NPFFR2: variants seen among roughly 807,000 people sequenced by gnomAD.
NPFFR2 encodes the protein G-protein coupled receptor 74.
A neutral mutation model predicts 13.1 loss-of-function variants in NPFFR2; 15 were observed. That is an observed-to-expected ratio of 1.15 (90% CI 0.77 to 1.76). NPFFR2 has a LOEUF of 1.76. Ranked by LOEUF, NPFFR2 falls within the 40% of genes most tolerant of loss-of-function variation. The pLI is 0.00. For synonymous variants in NPFFR2, 190 were observed against 175.7 expected (o/e 1.08, Z -0.65); for missense variants, 572 against 503.5 (o/e 1.14, Z -1.30).
At chr4:72,111,837 C>T (rs1024137608) in intron 1 of NPFFR2, among the ~76,000 whole-genome samples, 8 of 152,034 alleles carry the variant, frequency 5.3e-5, no homozygotes, top group African/African-American at 1.9e-4. Context: ...ATTCTTCACT[C>T]CTAAACTTAT....
chr4:72,098,898 A>C (rs970321687), intron 1 of NPFFR2, among the ~76,000 whole-genome samples: 8 of 151,988 alleles, frequency 5.3e-5, no homozygotes, highest in Admixed American at 2.6e-4. Context: ...TTGCTCTATT[A>C]CTCTGTATTG....
intron 1 of NPFFR2, among the ~76,000 whole-genome samples, chr4:72,121,086 G>A (rs935020090): frequency 2.0e-5 from 3 of 151,952 alleles, no homozygotes; most frequent in Non-Finnish European, 2.9e-5. Context: ...AACACAGCAC[G>A]AGAACTTCAT....
intron 1 of NPFFR2, among the ~76,000 whole-genome samples, chr4:72,077,841 C>T (rs372967637): frequency 1.1e-4 from 16 of 152,098 alleles, no homozygotes; most frequent in Admixed American, 3.3e-4. Context: ...CATGAAGCGA[C>T]GTGTTTTTGT....
intron 2 of NPFFR2, among the ~76,000 whole-genome samples, chr4:72,133,213 G>A (rs1722305504): frequency 6.6e-6 from 1 of 152,116 alleles, no homozygotes; most frequent in Non-Finnish European, 1.5e-5. Flanking sequence ...TCAATCTTCT[G>A]CACATGGCTA....
intron 1 of NPFFR2, among the ~76,000 whole-genome samples, chr4:72,095,404 G>A (rs1721036486): frequency 6.6e-6 from 1 of 152,016 alleles, no homozygotes; most frequent in South Asian, 2.1e-4. Flanking sequence ...TTGTGTTGCT[G>A]TTTTTTGTTG....
intron 1 of NPFFR2, among the ~76,000 whole-genome samples, chr4:72,097,207 C>T (rs1578452790): frequency 1.3e-5 from 2 of 152,058 alleles, no homozygotes; most frequent in East Asian, 3.9e-4. Context: ...ACTAATAATT[C>T]AGTGTCAACA....
At chr4:72,137,264 A>T (rs919764800) in intron 2 of NPFFR2, among the ~76,000 whole-genome samples, 3 of 152,180 alleles carry the variant, frequency 2.0e-5, no homozygotes, top group African/African-American at 7.2e-5. Flanking sequence ...AAATTTCAAA[A>T]CTCTGAGAAA....
chr4:72,068,960 C>A (rs748673148), intron 1 of NPFFR2: 1 of 1,423,202 alleles, frequency 7.0e-7, no homozygotes, highest in South Asian at 1.4e-5. Context: ...TTTTGACATA[C>A]AAGAAACATC....
intron 1 of NPFFR2, among the ~76,000 whole-genome samples, chr4:72,040,535 A>G (rs781553104): frequency 1.3e-5 from 2 of 152,142 alleles, no homozygotes; most frequent in Non-Finnish European, 2.9e-5. Flanking sequence ...TATTTGCCAT[A>G]GATTATTTTT....
At chr4:72,112,664 T>C (rs1721598878) in intron 1 of NPFFR2, among the ~76,000 whole-genome samples, 1 of 151,948 alleles carries the variant, frequency 6.6e-6, no homozygotes, top group Admixed American at 6.6e-5. Flanking sequence ...GCCTGAAGCA[T>C]GAAAAGACAT....
At chr4:72,049,639 C>T (rs1719483092) in intron 1 of NPFFR2, among the ~76,000 whole-genome samples, 2 of 151,992 alleles carry the variant, frequency 1.3e-5, no homozygotes, top group African/African-American at 2.4e-5. Flanking sequence ...CCTCACAAAG[C>T]TATGATCCAC....
intron 1 of NPFFR2, among the ~76,000 whole-genome samples, chr4:72,080,838 G>A (rs544382992): frequency 2.0e-5 from 3 of 151,756 alleles, no homozygotes; most frequent in East Asian, 1.9e-4. Flanking sequence ...AGAGGCGCTC[G>A]GCTTTTCCTC....
intron 1 of NPFFR2, among the ~76,000 whole-genome samples, chr4:72,047,338 T>A (rs1222818637): frequency 1.3e-5 from 2 of 152,078 alleles, no homozygotes; most frequent in African/African-American, 2.4e-5. Flanking sequence ...CCCCTTCCAT[T>A]ATAGGCCCAG....
chr4:72,043,387 A>T (rs1719285394), intron 1 of NPFFR2, among the ~76,000 whole-genome samples: 1 of 152,198 alleles, frequency 6.6e-6, no homozygotes. Context: ...AGACCTCAAA[A>T]TGGTAAATCC....
At chr4:72,111,470 C>G (rs1245037804) in intron 1 of NPFFR2, among the ~76,000 whole-genome samples, 1 of 151,988 alleles carries the variant, frequency 6.6e-6, no homozygotes, top group African/African-American at 2.4e-5. Context: ...ATTAGGACAA[C>G]TACTTGTTGA....
At chr4:72,119,355 G>A (rs937521929) in intron 1 of NPFFR2, among the ~76,000 whole-genome samples, 16 of 152,264 alleles carry the variant, frequency 1.1e-4, no homozygotes, top group African/African-American at 3.4e-4. Flanking sequence ...GAAACTTCTT[G>A]AGAAGCTTTG....
chr4:72,121,483 C>G (rs7679969), intron 1 of NPFFR2, among the ~76,000 whole-genome samples: 134,824 of 152,098 alleles, frequency 0.89, 61,094 homozygotes, highest in Non-Finnish European at 0.99. Context: ...AGGAAAAAAT[C>G]TTAAGGGCAA....
chr4:72,117,974 A>G (rs1721760628), intron 1 of NPFFR2, among the ~76,000 whole-genome samples: 1 of 152,208 alleles, frequency 6.6e-6, no homozygotes, highest in Admixed American at 6.5e-5. Context: ...GATATATTAA[A>G]AATGGTTTTA....
rs768474365 is a variant in NPFFR2 at position 72,147,260 on chromosome 4, C to A, written c.711C>A (p.Ile237=). 6.2e-7 allele frequency: 1 copy of A among 1,614,176 alleles called. No individual in the cohort carries two copies. The change falls in exon 4 of 4, where the codon ATC becomes ATA. Residue 237 remains isoleucine (I), a synonymous_variant. Coordinates refer to ENST00000308744, the MANE Select transcript of NPFFR2 (RefSeq NM_004885.3). ...IYLAPLSLIV[I]MYGRIGISLF... is the part of the protein sequence containing the mutation. ...TGGCTCCCCTCTCCCTCATTGTCAT[C>A]ATGTATGGAAGGATTGGAATTTCAC...
Sources: allele counts gnomAD v4.1 joint callset (sites outside exome capture counted in the v4.1 genomes callset), GRCh38; gene constraint gnomAD v4.1.1; transcripts MANE v1.5; gene names NCBI Gene and HGNC (gene_info 2026-07-23, HGNC 2026-07-21).